The following PTPRQ variants were observed in gnomAD, a reference collection of about 807,000 sequenced individuals.
PTPRQ encodes the protein protein tyrosine phosphatase receptor type Q.
Under a neutral mutation model 246.0 loss-of-function variants are expected in PTPRQ, and 199 were observed. The observed-to-expected ratio is 0.81, with a 90% CI of 0.72 to 0.91. The LOEUF is 0.91. Ranked by LOEUF, PTPRQ falls within the 40% of genes least tolerant of loss-of-function variation. The pLI is 0.00. For missense variants in PTPRQ, 2,624 were observed against 2,528.4 expected (o/e 1.04, Z -0.81); for synonymous variants, 869 against 853.2 (o/e 1.02, Z -0.32).
At position 80,539,937 on chromosome 12, in the gene PTPRQ, T is replaced by A; in HGVS notation, c.3147T>A (p.Asp1049Glu). ...KSSDIIEVYT[D>E]QDIPEGFVGN... ...GTGACATCATTGAAGTATACACAGA[T>A]CAAGACAGTATGTAAACAAAAAACA... Residue 1049 changes from aspartate to glutamate, a missense_variant, in exon 20 of 45, where the codon GAT becomes GAA. Asp to Glu is a conservative substitution (Grantham distance 45). Coordinates refer to ENST00000644991, the MANE Select transcript of PTPRQ (RefSeq NM_001145026.2). 2.0e-6 allele frequency: 3 copies of A among 1,517,240 alleles called. No individual in the cohort carries two copies. The highest frequency in any genetic ancestry group is 2.6e-6 in the Non-Finnish European group (3 of 1,133,270). The allele number at this position is 1,517,240 out of a possible 1,614,324, so 94.0% of individuals were successfully genotyped here.
chr12:80,582,947 T>C (rs1046979266), intron 25 of PTPRQ, among the ~76,000 whole-genome samples: 3 of 152,202 alleles, frequency 2.0e-5, no homozygotes, highest in Admixed American at 2.0e-4. Flanking sequence ...TATATTTGGT[T>C]TAAGGACTCA....
chr12:80,450,876 G>A (rs193025299), intron 3 of PTPRQ, among the ~76,000 whole-genome samples: 1 of 152,146 alleles, frequency 6.6e-6, no homozygotes, highest in Non-Finnish European at 1.5e-5. Context: ...TTGGTATCAG[G>A]ATGATGCTGG....
At chr12:80,528,329 T>C (rs1239567676) in intron 17 of PTPRQ, among the ~76,000 whole-genome samples, 1 of 152,210 alleles carries the variant, frequency 6.6e-6, no homozygotes, top group Non-Finnish European at 1.5e-5. Context: ...AATGGGATGA[T>C]AATATGTGGC....
At chr12:80,599,198 C>T (rs1898062855) in intron 26 of PTPRQ, among the ~76,000 whole-genome samples, 2 of 151,836 alleles carry the variant, frequency 1.3e-5, no homozygotes, top group African/African-American at 2.4e-5. Context: ...GCATGATAAT[C>T]AGGAAATGAT....
chr12:80,481,791 T>C (rs1271889044), intron 8 of PTPRQ, among the ~76,000 whole-genome samples: 1 of 151,944 alleles, frequency 6.6e-6, no homozygotes, highest in Non-Finnish European at 1.5e-5. Flanking sequence ...TCAAAGAGAA[T>C]AAAATACCTA....
intron 8 of PTPRQ, 65 bp downstream of exon 8, chr12:80,472,316 C>A: frequency 6.6e-7 from 1 of 1,524,090 alleles, no homozygotes; most frequent in Non-Finnish European, 8.8e-7. Context: ...ATTGGTAAAA[C>A]ATGATATTAG....
intron 20 of PTPRQ, among the ~76,000 whole-genome samples, chr12:80,540,579 T>C (rs1896122469): frequency 3.3e-5 from 5 of 152,094 alleles, no homozygotes; most frequent in Non-Finnish European, 7.4e-5. Context: ...TAATCCCTTA[T>C]TGAGAAGTGG....
chr12:80,569,522 T>G (rs913341631), intron 25 of PTPRQ, among the ~76,000 whole-genome samples: 1 of 151,448 alleles, frequency 6.6e-6, no homozygotes, highest in South Asian at 2.1e-4. Context: ...ACATGTACCC[T>G]AAAACTTACA....
chr12:80,646,218 G>T (rs1900067851), intron 35 of PTPRQ, among the ~76,000 whole-genome samples: 1 of 152,050 alleles, frequency 6.6e-6, no homozygotes, highest in Non-Finnish European at 1.5e-5. Flanking sequence ...CTTATGTATT[G>T]CTTACTAAAG....
chr12:80,616,039 T>C (rs1898742495), intron 29 of PTPRQ, among the ~76,000 whole-genome samples, 161 bp from the exon 30 acceptor site: 1 of 149,864 alleles, frequency 6.7e-6, no homozygotes, highest in South Asian at 2.1e-4. Flanking sequence ...CAGTTGTTTT[T>C]TAAAGAATTA....
intron 37 of PTPRQ, among the ~76,000 whole-genome samples, chr12:80,650,005 AG>A (rs924231230): frequency 6.6e-6 from 1 of 152,136 alleles, no homozygotes; most frequent in Non-Finnish European, 1.5e-5. Context: ...TTCAAGGTTT[AG>A]GTCATACTAT....
chr12:80,624,115 G>A (rs189070142), intron 33 of PTPRQ, among the ~76,000 whole-genome samples: 208 of 152,228 alleles, frequency 1.4e-3, no homozygotes, highest in Middle Eastern at 0.014. Context: ...AATCATCTAG[G>A]TATGAATCTT....
intron 35 of PTPRQ, among the ~76,000 whole-genome samples, chr12:80,639,004 C>A (rs1404683763): frequency 1.3e-5 from 2 of 152,162 alleles, no homozygotes; most frequent in Non-Finnish European, 2.9e-5. Flanking sequence ...GTGATGGCTC[C>A]TGCAAAACAC....
chr12:80,613,529 T>A, intron 28 of PTPRQ, 63 bp from the exon 29 acceptor site: 1 of 1,412,404 alleles, frequency 7.1e-7, no homozygotes, highest in Non-Finnish European at 9.4e-7. Flanking sequence ...GCAAATAAAT[T>A]TATGTGGAGA....
intron 25 of PTPRQ, among the ~76,000 whole-genome samples, chr12:80,558,323 G>A (rs1179849489): frequency 1.3e-5 from 2 of 151,356 alleles, no homozygotes; most frequent in Non-Finnish European, 3.0e-5. Context: ...GCATGCCACT[G>A]CACCCAACTA....
At chr12:80,645,465 A>C (rs17658301) in intron 35 of PTPRQ, among the ~76,000 whole-genome samples, 3,997 of 151,908 alleles carry the variant, frequency 0.026, 87 homozygotes, top group Non-Finnish European at 0.041. Context: ...TGTGTATCTT[A>C]ATCTGAATTC....
At chr12:80,663,914 A>G (rs2121266568) in intron 39 of PTPRQ, among the ~76,000 whole-genome samples, 1 of 151,850 alleles carries the variant, frequency 6.6e-6, no homozygotes, top group South Asian at 2.1e-4. Flanking sequence ...ATTCTATCGA[A>G]TTTTCCATTT....
rs757166261 is a variant in PTPRQ at position 80,616,205 on chromosome 12, C to T, written c.5169C>T (p.Tyr1723=). 2.0e-5 allele frequency: 30 copies of T among 1,477,254 alleles called. No individual in the cohort carries two copies. The highest frequency in any genetic ancestry group is 5.8e-5 in the African/African-American group (4 of 68,958). 91.5% of individuals were successfully genotyped at this position (1,477,254 alleles called of 1,614,324 possible). The change falls in exon 30 of 45, where the codon TAC becomes TAT. Residue 1723 remains tyrosine, a synonymous_variant. Transcript: ENST00000644991. ...CAAATATTTGTTTGTTTTAGGTTTACGCAGTCAATAGTGCTGGTGCAGGTC... is the reference window on the plus strand; with the variant it reads ...CAAATATTTGTTTGTTTTAGGTTTATGCAGTCAATAGTGCTGGTGCAGGTC... The part of the protein sequence containing the change: ...KGGHTYNISV[Y]AVNSAGAGPK...
intron 19 of PTPRQ, among the ~76,000 whole-genome samples, chr12:80,535,835 T>C (rs910652194): frequency 3.3e-5 from 5 of 152,020 alleles, no homozygotes; most frequent in African/African-American, 9.7e-5. Context: ...CGGCCGGGCG[T>C]GGTGGCTCAC....
Sources: gnomAD v4.1 joint callset for allele counts (sites outside exome capture counted in the v4.1 genomes callset) on GRCh38, gnomAD v4.1.1 for gene constraint, MANE v1.5 for transcripts, NCBI Gene and HGNC (gene_info 2026-07-23, HGNC 2026-07-21) for gene names.